GFRAL: variants seen among roughly 807,000 people sequenced by gnomAD.
The protein encoded by GFRAL is GDNF family receptor alpha like.
GFRAL carries 36 observed loss-of-function variants against 45.4 expected under a neutral mutation model. That is an observed-to-expected ratio of 0.79 (90% CI 0.61 to 1.05). The LOEUF (loss-of-function observed/expected upper bound fraction) is 1.05, where lower values mean the gene tolerates loss of function less well. Among genes scored for constraint, GFRAL ranks in the 50% least tolerant of loss-of-function variants. GFRAL has a pLI of 0.00. For missense variants in GFRAL, 507 were observed against 467.5 expected, an observed-to-expected ratio of 1.08 and a Z score of -0.78; for synonymous variants, 166 against 154.1, an observed-to-expected ratio of 1.08 and a Z score of -0.57.
At chr6:55,332,576 A>G (rs1390120833) in intron 2 of GFRAL, among the ~76,000 whole-genome samples, 1 of 152,012 alleles carries the variant, frequency 6.6e-6, no homozygotes, top group African/African-American at 2.4e-5. Flanking sequence ...GGCGCATGCC[A>G]CCATGCCCAG....
chr6:55,340,373 G>T (rs142190760), intron 3 of GFRAL, among the ~76,000 whole-genome samples: 1,988 of 152,230 alleles, frequency 0.013, 23 homozygotes, highest in Non-Finnish European at 0.022. Context: ...GCACCCAGCA[G>T]AATACCTGAC....
chr6:55,343,604 C>G (rs554614124), intron 3 of GFRAL, among the ~76,000 whole-genome samples: 2 of 152,194 alleles, frequency 1.3e-5, no homozygotes, highest in African/African-American at 2.4e-5. Context: ...ACCCTAACAT[C>G]ACAATTAAAA....
At chr6:55,376,486 G>T (rs1274487982) in intron 6 of GFRAL, among the ~76,000 whole-genome samples, 1 of 151,320 alleles carries the variant, frequency 6.6e-6, no homozygotes, top group Non-Finnish European at 1.5e-5. Flanking sequence ...ATACCATCTT[G>T]CTTGGTAGGC....
At chr6:55,338,951 A>G (rs1767925643) in intron 3 of GFRAL, among the ~76,000 whole-genome samples, 1 of 152,170 alleles carries the variant, frequency 6.6e-6, no homozygotes, top group Non-Finnish European at 1.5e-5. Context: ...AAGTTATCAC[A>G]GGCAATAACG....
At chr6:55,352,179 C>T (rs1211515664) in intron 5 of GFRAL, among the ~76,000 whole-genome samples, 2 of 152,088 alleles carry the variant, frequency 1.3e-5, no homozygotes, top group Admixed American at 1.3e-4. Context: ...CTTAGTACTT[C>T]TCATTCACTT....
chr6:55,343,439 A>C (rs1460582199), intron 3 of GFRAL, among the ~76,000 whole-genome samples: 2 of 152,216 alleles, frequency 1.3e-5, no homozygotes, highest in African/African-American at 4.8e-5. Flanking sequence ...TGGGTACATA[A>C]TTAAATGAAG....
chr6:55,363,717 T>A lies in GFRAL; in HGVS notation c.952+4579T>A, dbSNP rs933080424. On this transcript the variant is annotated intron_variant, in intron 6 of 8. Coordinates refer to ENST00000340465, the MANE Select transcript of GFRAL (RefSeq NM_207410.2). Reference sequence around the variant, plus strand: ...GTTTTTTGTTCTTGCGATAGTTTACTGAGAATGATGATTTCCAATTTCATC... The same window carrying A: ...GTTTTTTGTTCTTGCGATAGTTTACAGAGAATGATGATTTCCAATTTCATC... 1.1e-4 allele frequency among the ~76,000 whole-genome samples: 16 copies of A among 151,330 alleles called. No individual in the cohort carries two copies. In the East Asian group the frequency reaches 2.1e-3, roughly 20 times the overall value.
intron 6 of GFRAL, among the ~76,000 whole-genome samples, chr6:55,388,622 C>T (rs371374417): frequency 3.4e-4 from 51 of 152,196 alleles, no homozygotes; most frequent in African/African-American, 1.2e-3. Context: ...ACAACTGCTT[C>T]GACTCAGTCA....
chr6:55,342,080 A>C (rs1225811505), intron 3 of GFRAL, among the ~76,000 whole-genome samples: 1 of 152,250 alleles, frequency 6.6e-6, no homozygotes, highest in East Asian at 1.9e-4. Context: ...GGAAAATGGA[A>C]CCAAGTTGGA....
intron 7 of GFRAL, 43 bp from the exon 8 acceptor site, chr6:55,399,326 A>T: frequency 6.5e-7 from 1 of 1,549,116 alleles, no homozygotes; most frequent in Non-Finnish European, 8.9e-7. Flanking sequence ...ATTTCCTCTA[A>T]AAATCCAGTG....
Position 55,349,407 on chromosome 6 carries a change from A to G in GFRAL, c.317-685A>G, listed in dbSNP as rs192002471. Among the ~76,000 whole-genome samples the G allele has an allele frequency of 1.5e-3, 226 of 152,128 alleles. 1 individual carries two copies. The highest frequency in any genetic ancestry group is 5.3e-3 in the African/African-American group (220 of 41,532). On this transcript the variant is annotated intron_variant, in intron 3 of 8. Transcript: ENST00000340465. ...GATTCCCCTGCCACTTTATGGATAC[A>G]TTAGTGCTCCTTATAGTTTCTTTTG...
At chr6:55,359,401 T>C (rs1768243266) in intron 6 of GFRAL, among the ~76,000 whole-genome samples, 3 of 152,164 alleles carry the variant, frequency 2.0e-5, no homozygotes, top group African/African-American at 7.2e-5. Context: ...ATCAAAAGCA[T>C]AGAAGGTTTA....
chr6:55,376,585 G>A (rs568719715), intron 6 of GFRAL, among the ~76,000 whole-genome samples: 1 of 152,048 alleles, frequency 6.6e-6, no homozygotes, highest in South Asian at 2.1e-4. Flanking sequence ...GGGTGAAGGT[G>A]TCCAGGAATT....
intron 6 of GFRAL, among the ~76,000 whole-genome samples, chr6:55,361,680 C>A (rs537376673): frequency 6.6e-6 from 1 of 151,996 alleles, no homozygotes; most frequent in East Asian, 1.9e-4. Context: ...TCTAACAAAC[C>A]TTTATCCATT....
chr6:55,343,025 A>G (rs1767990097), intron 3 of GFRAL, among the ~76,000 whole-genome samples: 1 of 152,218 alleles, frequency 6.6e-6, no homozygotes, highest in African/African-American at 2.4e-5. Context: ...AGATTCATAA[A>G]GCAAGTCACT....
intron 6 of GFRAL, among the ~76,000 whole-genome samples, chr6:55,361,771 G>C (rs1222819515): frequency 6.6e-6 from 1 of 151,974 alleles, no homozygotes; most frequent in Non-Finnish European, 1.5e-5. Context: ...TCTCACATCA[G>C]CCTAGCACTC....
At chr6:55,392,716 G>T (rs1354514736) in intron 6 of GFRAL, among the ~76,000 whole-genome samples, 1 of 152,038 alleles carries the variant, frequency 6.6e-6, no homozygotes, top group African/African-American at 2.4e-5. Flanking sequence ...ACACTTGGGG[G>T]CCTGCTAGAG....
chr6:55,390,935 A>ACACAC (rs764218405), intron 6 of GFRAL, among the ~76,000 whole-genome samples: 1,301 of 81,124 alleles, frequency 0.016, 8 homozygotes, highest in Non-Finnish European at 0.022. Context: ...CACACACACA[A>ACACAC]GTAGTGGTCT....
intron 3 of GFRAL, among the ~76,000 whole-genome samples, chr6:55,338,167 T>G (rs539075750): frequency 0.013 from 1,988 of 152,268 alleles, 23 homozygotes; most frequent in Non-Finnish European, 0.022. Context: ...CTCAGCTCAC[T>G]GCAAACTCCT....
Sources: allele counts gnomAD v4.1 joint callset (sites outside exome capture counted in the v4.1 genomes callset), GRCh38; gene constraint gnomAD v4.1.1; transcripts MANE v1.5; gene names NCBI Gene and HGNC (gene_info 2026-07-23, HGNC 2026-07-21).